L3HYPDH: variants seen among roughly 807,000 people sequenced by gnomAD.
The protein encoded by L3HYPDH is trans-L-3-hydroxyproline dehydratase.
A neutral mutation model predicts 26.5 loss-of-function variants in L3HYPDH; 32 were observed. The ratio of observed to expected loss-of-function variants is 1.21; its 90% CI spans 0.91 to 1.62. The LOEUF (loss-of-function observed/expected upper bound fraction) is 1.62, where lower values mean the gene tolerates loss of function less well. L3HYPDH is among the 40% of genes most tolerant of loss of function. The probability of loss-of-function intolerance (pLI) is 0.00; values close to 1 mark genes in which losing one functional copy is unlikely to be tolerated. For synonymous variants in L3HYPDH, 215 were observed against 196.6 expected, an observed-to-expected ratio of 1.09 and a Z score of -0.78; for missense variants, 554 against 476.4, an observed-to-expected ratio of 1.16 and a Z score of -1.52.
At chr14:59,502,344 A>G in the L3HYPDH span, among the ~76,000 whole-genome samples, 1 of 152,192 alleles carries the variant, frequency 6.6e-6, no homozygotes, top group Non-Finnish European at 1.5e-5. Flanking sequence ...TCTAGGGACT[A>G]TGAACTGTCT....
the L3HYPDH span, among the ~76,000 whole-genome samples, chr14:59,497,025 A>G: frequency 6.6e-6 from 1 of 150,616 alleles, no homozygotes; most frequent in Non-Finnish European, 1.5e-5. Flanking sequence ...GCAAGTCAAC[A>G]AAAAGCAATA....
chr14:59,473,649 A>C (rs77975622), intron 4 of L3HYPDH, among the ~76,000 whole-genome samples: 3,192 of 152,242 alleles, frequency 0.021, 114 homozygotes, highest in African/African-American at 0.073. Context: ...GAGTATAATA[A>C]ACAGTTGGGA....
the L3HYPDH span, among the ~76,000 whole-genome samples, chr14:59,499,381 CTT>C: frequency 6.6e-6 from 1 of 151,950 alleles, no homozygotes; most frequent in Admixed American, 6.6e-5. Context: ...GAAAATTAGT[CTT>C]GATAATGTAT....
chr14:59,495,964 C>T, the L3HYPDH span, among the ~76,000 whole-genome samples: 4 of 152,190 alleles, frequency 2.6e-5, no homozygotes, highest in African/African-American at 9.6e-5. Flanking sequence ...TGCAGTGGCA[C>T]GAGATCTCAG....
the L3HYPDH span, chr14:59,494,951 CAT>C: frequency 9.2e-7 from 1 of 1,082,116 alleles, no homozygotes; most frequent in Admixed American, 1.9e-5. Context: ...GACACATGTA[CAT>C]GTTTTATTAA....
the L3HYPDH span, among the ~76,000 whole-genome samples, chr14:59,491,568 A>G: frequency 6.6e-6 from 1 of 152,348 alleles, no homozygotes; most frequent in South Asian, 2.1e-4. Flanking sequence ...CAGTGTTTTC[A>G]TCTTTGTAAA....
chr14:59,501,974 A>T, the L3HYPDH span, among the ~76,000 whole-genome samples: 2 of 152,160 alleles, frequency 1.3e-5, no homozygotes, highest in Non-Finnish European at 2.9e-5. Context: ...TCATATCATA[A>T]CGTTTATATT....
At chr14:59,493,775 G>C in the L3HYPDH span, among the ~76,000 whole-genome samples, 2 of 152,094 alleles carry the variant, frequency 1.3e-5, no homozygotes, top group Non-Finnish European at 2.9e-5. Flanking sequence ...GAATAGCCAA[G>C]ACCACCAAAG....
Position 59,472,692 on chromosome 14 carries a change from G to T in L3HYPDH, c.*273C>A, listed in dbSNP as rs1889351363. ...ATTACTATAGAGCAATATTTTAAAA[G>T]TAACTACTGTTTTAATTTTACCTGA... is the stretch of plus-strand genomic sequence containing the variant. On this transcript the variant is annotated 3_prime_UTR_variant, in exon 5 of 5. Transcript: ENST00000247194. The T allele has an allele frequency of 3.6e-6, 1 of 274,920 alleles. No individual in the cohort carries two copies. The highest frequency in any genetic ancestry group is 6.7e-6 in the Non-Finnish European group (1 of 149,464). The allele number at this position is 274,920 out of a possible 1,614,324, so 17.0% of individuals were successfully genotyped here. A position where few individuals can be genotyped will look rare whatever the true frequency, so the allele number is the denominator to read the frequency against.
the L3HYPDH span, among the ~76,000 whole-genome samples, chr14:59,498,484 A>T: frequency 0.14 from 21,210 of 152,166 alleles, 1,709 homozygotes; most frequent in South Asian, 0.26. Context: ...CTGAATCAAA[A>T]GGGATAAACA....
the L3HYPDH span, among the ~76,000 whole-genome samples, chr14:59,489,704 GAA>G: frequency 6.6e-6 from 1 of 152,142 alleles, no homozygotes; most frequent in African/African-American, 2.4e-5. Context: ...AATTTATAAA[GAA>G]AAGAGGTTTA....
chr14:59,497,295 T>C, the L3HYPDH span, among the ~76,000 whole-genome samples: 4 of 152,198 alleles, frequency 2.6e-5, no homozygotes, highest in Non-Finnish European at 4.4e-5. Context: ...ATTACTCTTA[T>C]AGCAGGAATT....
chr14:59,479,804 T>C lies in L3HYPDH; in HGVS notation c.509-453A>G, dbSNP rs528931373. On this transcript the variant is annotated intron_variant, in intron 1 of 4. Transcript: ENST00000247194. Reference sequence around the variant, plus strand: ...TTCAGCCGTAATGTCAAAACATAAATTTTAATAAAAGATTTTTCTATATAA... The same window carrying C: ...TTCAGCCGTAATGTCAAAACATAAACTTTAATAAAAGATTTTTCTATATAA... 9.2e-5 allele frequency among the ~76,000 whole-genome samples: 14 copies of C among 152,364 alleles called. No homozygotes were observed. The East Asian group carries it at 2.7e-3, about 29-fold the overall frequency.
At chr14:59,472,395 A>G (rs1469984603), downstream of L3HYPDH, among the ~76,000 whole-genome samples, 1 of 152,224 alleles carries the variant, frequency 6.6e-6, no homozygotes, top group African/African-American at 2.4e-5. Context: ...CTGATACTTC[A>G]GTACCTGTGG....
chr14:59,482,904 A>G (rs1890136959), intron 1 of L3HYPDH, among the ~76,000 whole-genome samples: 1 of 152,148 alleles, frequency 6.6e-6, no homozygotes, highest in Admixed American at 6.5e-5. Context: ...ATTCTTACTG[A>G]TAGAATTCAG....
intron 1 of L3HYPDH, 29 bp downstream of exon 1, chr14:59,483,780 C>A (rs1329553039): frequency 1.3e-6 from 2 of 1,585,846 alleles, no homozygotes; most frequent in Admixed American, 3.4e-5. Context: ...TGCAGCTCTG[C>A]CCTGGGCTGG....
chr14:59,500,552 T>C, the L3HYPDH span, among the ~76,000 whole-genome samples: 1 of 152,210 alleles, frequency 6.6e-6, no homozygotes, highest in Non-Finnish European at 1.5e-5. Flanking sequence ...GAATGATCTC[T>C]TTATCCTTTA....
At chr14:59,485,419 A>G (rs1890470776), upstream of L3HYPDH, 1 of 288,324 alleles carries the variant, frequency 3.5e-6, no homozygotes, top group Admixed American at 5.1e-5. Flanking sequence ...AAAATATTAA[A>G]CTGGAGGAAT....
At chr14:59,478,137 A>C (rs962398390) in intron 2 of L3HYPDH, among the ~76,000 whole-genome samples, 5 of 152,218 alleles carry the variant, frequency 3.3e-5, no homozygotes, top group Non-Finnish European at 7.3e-5. Flanking sequence ...TATTCTGTAC[A>C]CTATATTTTA....
Sources: gnomAD v4.1 joint callset for allele counts (sites outside exome capture counted in the v4.1 genomes callset) on GRCh38, gnomAD v4.1.1 for gene constraint, MANE v1.5 for transcripts, NCBI Gene and HGNC (gene_info 2026-07-23, HGNC 2026-07-21) for gene names.